TEAD4: variants seen among roughly 807,000 people sequenced by gnomAD.
TEAD4 encodes the protein transcriptional enhancer factor TEF-3.
A neutral mutation model predicts 52.4 loss-of-function variants in TEAD4; 36 were observed. The ratio of observed to expected loss-of-function variants is 0.69; its 90% CI spans 0.53 to 0.91. The LOEUF (loss-of-function observed/expected upper bound fraction) is 0.91. Ranked by LOEUF, TEAD4 falls within the 40% of genes least tolerant of loss-of-function variation. The pLI is 0.00. For synonymous variants in TEAD4, 220 were observed against 231.0 expected (o/e 0.95, Z 0.43); for missense variants, 508 against 583.9 (o/e 0.87, Z 1.34).
At chr12:3,025,709 G>A (rs1030502018) in intron 10 of TEAD4, among the ~76,000 whole-genome samples, 1 of 151,908 alleles carries the variant, frequency 6.6e-6, no homozygotes, top group African/African-American at 2.4e-5. Context: ...GCTAATTTTT[G>A]TATTTTTAAG....
chr12:2,975,575 A>G (rs2098228964), intron 2 of TEAD4, among the ~76,000 whole-genome samples: 1 of 151,942 alleles, frequency 6.6e-6, no homozygotes, highest in Admixed American at 6.6e-5. Flanking sequence ...TTTAGTAGAG[A>G]CAGGGTTTCC....
At chr12:2,963,901 T>C (rs1454412647) in intron 2 of TEAD4, among the ~76,000 whole-genome samples, 1 of 152,084 alleles carries the variant, frequency 6.6e-6, no homozygotes, top group Non-Finnish European at 1.5e-5. Flanking sequence ...CGGGCCCCCA[T>C]GGGTGGGGAC....
Position 2,994,852 on chromosome 12 carries a change from A to G in TEAD4, c.86A>G (p.Gln29Arg). ...GGGAGCACCGCCTCTGGGGGCAGTC[A>G]GGCACTGGACAAGCCCATCGACAAT... is the stretch of plus-strand genomic sequence containing the variant. The change falls in exon 3 of 13, where the codon CAG becomes CGG. Residue 29 changes from glutamine to arginine, a missense_variant. By Grantham distance (43) the Gln-to-Arg change is conservative. Coordinates refer to ENST00000359864, the MANE Select transcript of TEAD4 (RefSeq NM_003213.4). The surrounding 1 kb of genome is among the most constrained non-coding windows in gnomAD (Gnocchi z 4.7). 6.2e-7 allele frequency: 1 copy of G among 1,614,100 alleles called. No homozygotes were observed. The highest frequency in any genetic ancestry group is 8.5e-7 in the Non-Finnish European group (1 of 1,180,016).
rs564772660 is a variant in TEAD4, at chr12:2,999,060, G to A, written c.226+4068G>A. On this transcript the variant is annotated intron_variant, in intron 3 of 12. Coordinates refer to ENST00000359864, the MANE Select transcript of TEAD4 (RefSeq NM_003213.4). ...CTCAGCAGGCAGTGCTGACCAGCCCGGCTGGGAGCTATAGATAGCTCTGAG... is the reference window on the plus strand; with the variant it reads ...CTCAGCAGGCAGTGCTGACCAGCCCAGCTGGGAGCTATAGATAGCTCTGAG... Among the ~76,000 whole-genome samples, 674 of 152,330 alleles carry A rather than the reference G, an allele frequency of 4.4e-3. 10 individuals are homozygous for A. The highest frequency in any genetic ancestry group is 0.015 in the African/African-American group (641 of 41,576).
chr12:3,013,098 A>C (rs1470508097), intron 5 of TEAD4, among the ~76,000 whole-genome samples: 2 of 152,078 alleles, frequency 1.3e-5, no homozygotes, highest in Non-Finnish European at 2.9e-5. Flanking sequence ...ACCACAGGCA[A>C]GTGCCACTGC....
chr12:2,982,732 C>T (rs764165973), intron 2 of TEAD4, among the ~76,000 whole-genome samples: 4 of 152,174 alleles, frequency 2.6e-5, no homozygotes, highest in Non-Finnish European at 5.9e-5. Context: ...AACCCTGTGG[C>T]CCAGGGCCTT....
At chr12:3,024,864 T>G (rs1246708309) in intron 10 of TEAD4, among the ~76,000 whole-genome samples, 1 of 152,130 alleles carries the variant, frequency 6.6e-6, no homozygotes, top group Non-Finnish European at 1.5e-5. Context: ...TTCAAAACTG[T>G]TAGATAATTT....
At chr12:3,036,398 T>C (rs1186923676) in intron 10 of TEAD4, among the ~76,000 whole-genome samples, 1 of 152,212 alleles carries the variant, frequency 6.6e-6, no homozygotes, top group Non-Finnish European at 1.5e-5. Context: ...AGAAAGGTCC[T>C]GCTCTGGGAA....
chr12:2,976,912 C>T (rs1472563214), intron 2 of TEAD4, among the ~76,000 whole-genome samples: 1 of 152,202 alleles, frequency 6.6e-6, no homozygotes, highest in Non-Finnish European at 1.5e-5. Context: ...AGACTCCTCC[C>T]AGCTGGCCTG....
chr12:3,018,132 C>T (rs895154747), intron 6 of TEAD4, among the ~76,000 whole-genome samples: 1 of 152,190 alleles, frequency 6.6e-6, no homozygotes, highest in African/African-American at 2.4e-5. Flanking sequence ...TGCCAGGCCA[C>T]AGCATTTTTC....
chr12:2,973,450 G>T (rs111327685), intron 2 of TEAD4, among the ~76,000 whole-genome samples: 1 of 152,204 alleles, frequency 6.6e-6, no homozygotes, highest in African/African-American at 2.4e-5. Context: ...GAGGAAATTA[G>T]TTTATGGAGA....
At chr12:3,002,242 C>T (rs1229877415) in intron 3 of TEAD4, among the ~76,000 whole-genome samples, 3 of 152,226 alleles carry the variant, frequency 2.0e-5, no homozygotes, top group Non-Finnish European at 4.4e-5. Flanking sequence ...TATGGAGAGA[C>T]TGCATCTTGC....
At chr12:2,989,254 A>T (rs7302789) in intron 2 of TEAD4, among the ~76,000 whole-genome samples, 10 of 151,768 alleles carry the variant, frequency 6.6e-5, no homozygotes, top group Non-Finnish European at 1.2e-4. Context: ...GATTTTCTCA[A>T]TGAGGCTCTT....
At chr12:3,030,121 C>T (rs2098274609) in intron 10 of TEAD4, among the ~76,000 whole-genome samples, 1 of 152,198 alleles carries the variant, frequency 6.6e-6, no homozygotes, top group South Asian at 2.1e-4. Context: ...GTCCCTGAGA[C>T]CTGTTGCCCT....
chr12:2,965,582 C>T (rs200670590), intron 2 of TEAD4, among the ~76,000 whole-genome samples: 3 of 152,024 alleles, frequency 2.0e-5, no homozygotes, highest in Non-Finnish European at 2.9e-5. Context: ...GACGGAGTCT[C>T]GCTCTTTCGC....
At chr12:2,966,768 G>A (rs2098220700) in intron 2 of TEAD4, among the ~76,000 whole-genome samples, 1 of 151,700 alleles carries the variant, frequency 6.6e-6, no homozygotes, top group African/African-American at 2.4e-5. Flanking sequence ...GTACAGTGGT[G>A]CGATCTCGGC....
chr12:2,971,081 G>A (rs968830816), intron 2 of TEAD4, among the ~76,000 whole-genome samples: 4 of 152,240 alleles, frequency 2.6e-5, no homozygotes, highest in Admixed American at 6.5e-5. Context: ...CGGTGTGCCC[G>A]GCACTGTGCT....
chr12:2,996,600 G>A (rs1373009033), intron 3 of TEAD4, among the ~76,000 whole-genome samples: 3 of 152,122 alleles, frequency 2.0e-5, no homozygotes, highest in African/African-American at 7.2e-5. Flanking sequence ...AGTAGAGACA[G>A]GGTTTTTCCA....
At chr12:3,002,199 C>T (rs1346364419) in intron 3 of TEAD4, among the ~76,000 whole-genome samples, 3 of 152,226 alleles carry the variant, frequency 2.0e-5, no homozygotes, top group African/African-American at 7.2e-5. Context: ...TTCAGAATTT[C>T]CCTCTTTTTT....
Sources: gnomAD v4.1 joint callset for allele counts (sites outside exome capture counted in the v4.1 genomes callset) on GRCh38, gnomAD v4.1.1 for gene constraint, Gnocchi (gnomAD v3.1) non-coding constraint, MANE v1.5 for transcripts, NCBI Gene and HGNC (gene_info 2026-07-23, HGNC 2026-07-21) for gene names.